SUSD6: variants seen among roughly 807,000 people sequenced by gnomAD.
SUSD6 encodes the protein sushi domain containing 6, also known as sushi domain-containing protein 6.
SUSD6 carries 16 observed loss-of-function variants against 28.4 expected under a neutral mutation model. The observed-to-expected ratio is 0.56, with a 90% confidence interval of 0.38 to 0.86. The LOEUF (loss-of-function observed/expected upper bound fraction) is 0.86, where lower values mean the gene tolerates loss of function less well. Ranked by LOEUF, SUSD6 falls within the 40% of genes least tolerant of loss-of-function variation. The probability of loss-of-function intolerance (pLI) is 0.00; values close to 1 mark genes in which losing one functional copy is unlikely to be tolerated. For synonymous variants in SUSD6, 147 were observed against 159.6 expected (o/e 0.92, Z 0.59); for missense variants, 341 against 384.2 (o/e 0.89, Z 0.94).
In SUSD6 at chr14:69,687,002, T is replaced by C. The variant is rs534483616; in HGVS notation, c.122-16393T>C. Among the ~76,000 whole-genome samples, 6 of 152,342 alleles carry C rather than the reference T, an allele frequency of 3.9e-5. No individual in the cohort carries two copies. The South Asian group carries it at 1.0e-3, about 26-fold the overall frequency. On this transcript the variant is annotated intron_variant, in intron 2 of 5. Transcript: ENST00000342745. ...TGTTTTATTTTATTTTGAGTCAGAGTCTTGCTTTGTTGCCCAGGCCGGAGT... is the reference window on the plus strand; with the variant it reads ...TGTTTTATTTTATTTTGAGTCAGAGCCTTGCTTTGTTGCCCAGGCCGGAGT...
intron 1 of SUSD6, among the ~76,000 whole-genome samples, chr14:69,648,166 A>G (rs1375589723): frequency 1.3e-5 from 2 of 152,188 alleles, no homozygotes; most frequent in African/African-American, 4.8e-5. Flanking sequence ...TATGTACTTT[A>G]TATATATTTC....
chr14:69,633,228 A>G (rs1283253790), intron 1 of SUSD6, among the ~76,000 whole-genome samples: 1 of 152,208 alleles, frequency 6.6e-6, no homozygotes, highest in Non-Finnish European at 1.5e-5. Flanking sequence ...CCTGTTTTTC[A>G]TGGCTGTGCA....
chr14:69,672,923 C>G (rs1325350781), intron 2 of SUSD6, among the ~76,000 whole-genome samples: 1 of 152,210 alleles, frequency 6.6e-6, no homozygotes, highest in Non-Finnish European at 1.5e-5. Context: ...CTAGGTGAGG[C>G]CATTCAGAGT....
intron 2 of SUSD6, among the ~76,000 whole-genome samples, chr14:69,673,296 A>G (rs1261341684): frequency 1.3e-5 from 2 of 152,184 alleles, no homozygotes; most frequent in African/African-American, 4.8e-5. Flanking sequence ...CTGGTTCAGT[A>G]GGTCTAGGAT....
chr14:69,629,943 T>A (rs566348484), intron 1 of SUSD6, among the ~76,000 whole-genome samples: 8 of 152,302 alleles, frequency 5.3e-5, no homozygotes, highest in Non-Finnish European at 8.8e-5. Flanking sequence ...TCCATAAACA[T>A]TGTCTTGTCT....
At chr14:69,701,008 C>G (rs983219904) in intron 2 of SUSD6, among the ~76,000 whole-genome samples, 3 of 152,000 alleles carry the variant, frequency 2.0e-5, no homozygotes, top group African/African-American at 7.3e-5. Flanking sequence ...AGTCCTTAAT[C>G]CAGAAGCCAT....
chr14:69,688,189 T>C (rs1453645787), intron 2 of SUSD6, among the ~76,000 whole-genome samples: 1 of 152,230 alleles, frequency 6.6e-6, no homozygotes, highest in African/African-American at 2.4e-5. Context: ...CACCTCCCTC[T>C]TGACCCTCTA....
chr14:69,636,603 G>A (rs554203798), intron 1 of SUSD6, among the ~76,000 whole-genome samples: 33 of 152,336 alleles, frequency 2.2e-4, no homozygotes, highest in African/African-American at 7.7e-4. Flanking sequence ...GCCTATCTCC[G>A]GTACTGCCAT....
chr14:69,697,816 A>G (rs1028082403), intron 2 of SUSD6, among the ~76,000 whole-genome samples: 2 of 152,184 alleles, frequency 1.3e-5, no homozygotes, highest in Non-Finnish European at 2.9e-5. Flanking sequence ...AAAAGCTCAT[A>G]TTTGAGCAGC....
chr14:69,707,472 G>A (rs1886402257), intron 4 of SUSD6, among the ~76,000 whole-genome samples: 1 of 152,186 alleles, frequency 6.6e-6, no homozygotes, highest in Non-Finnish European at 1.5e-5. Context: ...TTAAAAATAT[G>A]CAAAACTGTC....
At chr14:69,686,474 G>A (rs543375385) in intron 2 of SUSD6, among the ~76,000 whole-genome samples, 10 of 152,294 alleles carry the variant, frequency 6.6e-5, no homozygotes, top group African/African-American at 1.4e-4. Flanking sequence ...TTCTAGAGCC[G>A]TGAGTATACA....
chr14:69,668,138 C>G (rs1885772153), intron 2 of SUSD6, among the ~76,000 whole-genome samples: 1 of 152,184 alleles, frequency 6.6e-6, no homozygotes, highest in East Asian at 1.9e-4. Flanking sequence ...CTGTCCCCAG[C>G]CTTCTGGGGA....
chr14:69,655,402 GTGA>G (rs1156384482), intron 1 of SUSD6, among the ~76,000 whole-genome samples: 6 of 152,098 alleles, frequency 3.9e-5, no homozygotes, highest in African/African-American at 1.4e-4. Context: ...CATTGCACAT[GTGA>G]TTTCTTAGGG....
At chr14:69,669,526 G>C (rs6573899) in intron 2 of SUSD6, among the ~76,000 whole-genome samples, 56,868 of 152,100 alleles carry the variant, frequency 0.37, 12,999 homozygotes, top group Admixed American at 0.54. Flanking sequence ...ACTTGGGTGG[G>C]GTTTGGCTTC....
At chr14:69,670,490 C>G (rs1168860682) in intron 2 of SUSD6, 1 of 456,706 alleles carries the variant, frequency 2.2e-6, no homozygotes, top group East Asian at 6.9e-5. Flanking sequence ...GGAGAGAAGT[C>G]TACACTGAGA....
intron 2 of SUSD6, among the ~76,000 whole-genome samples, chr14:69,664,790 C>G (rs1327177969): frequency 6.6e-6 from 1 of 152,190 alleles, no homozygotes; most frequent in Non-Finnish European, 1.5e-5. Flanking sequence ...GCTAACTTGC[C>G]AGCTTAGAGG....
At chr14:69,656,756 G>A (rs1234823648) in intron 1 of SUSD6, among the ~76,000 whole-genome samples, 1 of 152,200 alleles carries the variant, frequency 6.6e-6, no homozygotes, top group African/African-American at 2.4e-5. Context: ...GCTAAGAGAG[G>A]TTATATGACT....
chr14:69,682,521 A>G (rs555564147), intron 2 of SUSD6, among the ~76,000 whole-genome samples: 7 of 152,304 alleles, frequency 4.6e-5, no homozygotes, highest in African/African-American at 1.7e-4. Flanking sequence ...TGTATGAAAT[A>G]CAAATTTAAA....
intron 2 of SUSD6, among the ~76,000 whole-genome samples, chr14:69,665,477 T>C (rs547240062): frequency 1.4e-4 from 21 of 152,356 alleles, no homozygotes; most frequent in Non-Finnish European, 2.6e-4. Context: ...GGTCTTGAAC[T>C]CCTGGGCTCA....
Sources: gnomAD v4.1 joint callset for allele counts (sites outside exome capture counted in the v4.1 genomes callset) on GRCh38, gnomAD v4.1.1 for gene constraint, MANE v1.5 for transcripts, NCBI Gene and HGNC (gene_info 2026-07-23, HGNC 2026-07-21) for gene names.